Variants in FCRL4 observed in about 807,000 individuals in gnomAD.
FCRL4 encodes the protein Fc receptor-like protein 4.
In FCRL4, 43 loss-of-function variants were observed where a neutral mutation model predicts 64.1. The observed-to-expected ratio is 0.67, with a 90% CI of 0.53 to 0.87. The LOEUF is 0.87. FCRL4 is among the 40% of genes least tolerant of loss of function. The pLI, the probability that FCRL4 is intolerant of heterozygous loss-of-function variation, is 0.00. For missense variants in FCRL4, 656 were observed against 613.5 expected (o/e 1.07, Z -0.73); for synonymous variants, 253 against 239.8 (o/e 1.05, Z -0.51).
chr1:157,596,408 T>G (rs1032415295), intron 1 of FCRL4, 60 bp from the exon 2 acceptor site: 1 of 1,589,270 alleles, frequency 6.3e-7, no homozygotes. Flanking sequence ...CTATTCACCC[T>G]GAGAGCCCAT....
chr1:157,592,835 C>A (rs1026732590), intron 2 of FCRL4, among the ~76,000 whole-genome samples: 2 of 152,140 alleles, frequency 1.3e-5, no homozygotes, highest in African/African-American at 4.8e-5. Flanking sequence ...TAGAACCAAC[C>A]AAAATGTCCA....
chr1:157,581,949 T>C (rs555843775), intron 6 of FCRL4, among the ~76,000 whole-genome samples: 1 of 152,272 alleles, frequency 6.6e-6, no homozygotes, highest in Admixed American at 6.5e-5. Context: ...CCCAGACACC[T>C]GGAGAGATAC....
At position 157,588,102 on chromosome 1, in the gene FCRL4, C is replaced by T. The variant is rs778227447; in HGVS notation, c.325G>A (p.Ala109Thr). ...TCACCTTCAAACACAGAATATGGTGCCTGCAGGATTAAGGAGTCTGGAAAA... is the reference window on the plus strand; with the variant it reads ...TCACCTTCAAACACAGAATATGGTGTCTGCAGGATTAAGGAGTCTGGAAAA... ...LFSSDSLILQ[A>T]PYSVFEGDTL... Residue 109 changes from alanine to threonine, a missense_variant, in exon 4 of 12, where the codon GCA becomes ACA. By Grantham distance (58) the Ala-to-Thr change is moderately conservative. Transcript: ENST00000271532. 2 of 1,612,560 alleles carry T rather than the reference C, an allele frequency of 1.2e-6. No individual in the cohort carries two copies. Among genetic ancestry groups the T allele is most frequent in the Non-Finnish European group, 1.7e-6 (2 of 1,179,376 alleles).
At chr1:157,596,253 T>C in intron 2 of FCRL4, 75 bp downstream of exon 2, 1 of 1,492,652 alleles carries the variant, frequency 6.7e-7, no homozygotes, top group Non-Finnish European at 9.3e-7. Context: ...ACAGGGACTC[T>C]TGTAAGTATT....
intron 10 of FCRL4, among the ~76,000 whole-genome samples, chr1:157,576,919 G>A (rs999779780): frequency 2.0e-5 from 3 of 152,188 alleles, no homozygotes; most frequent in African/African-American, 7.2e-5. Flanking sequence ...AGTCTTATGT[G>A]TAATACTTCA....
At chr1:157,578,716 CAT>C in intron 9 of FCRL4, 52 bp downstream of exon 9, 1 of 1,565,652 alleles carries the variant, frequency 6.4e-7, no homozygotes. Flanking sequence ...GCTGAAAGCG[CAT>C]TATCTTTCCA....
chr1:157,587,723 AC>A, intron 4 of FCRL4, 141 bp downstream of exon 4: 1 of 1,107,958 alleles, frequency 9.0e-7, no homozygotes, highest in East Asian at 2.5e-5. Flanking sequence ...AGGTCCAATC[AC>A]CCCACTTTCT....
Position 157,575,580 on chromosome 1 carries a change from T to A in FCRL4, c.1492A>T (p.Thr498Ser). Residue 498 changes from threonine (T) to serine (S), a missense_variant, in exon 12 of 12, where the codon ACA becomes TCA. Physicochemically the swap from Thr to Ser is moderately conservative, Grantham distance 58 (BLOSUM62 1). Transcript: ENST00000271532. ...CCAGCTGAGTTATCTGGGTGTTGTG[T>A]CTTTACCTCAGAGTAGACAACTGAG... The part of the protein sequence containing the change: ...DVSVVYSEVK[T>S]QHPDNSAGKI... The A allele has an allele frequency of 6.2e-7, 1 of 1,614,012 alleles. No individual in the cohort carries two copies. The highest frequency in any genetic ancestry group is 8.5e-7 in the Non-Finnish European group (1 of 1,179,896).
chr1:157,581,508 G>A lies in FCRL4; in HGVS notation c.1249+23C>T, dbSNP rs111976423. 1,711 of 1,600,450 alleles carry A rather than the reference G, an allele frequency of 1.1e-3. 19 individuals are homozygous for A. The African/African-American group carries it at 0.02, about 19-fold the overall frequency. ...CAGGGGAAGGAACAGGGCAGGAACT[G>A]TGGCAAAGAAAAGAGCACAAACCTG... On this transcript the variant is annotated intron_variant, in intron 7 of 11. Transcript: ENST00000271532.
chr1:157,579,763 A>G (rs957503013), intron 8 of FCRL4, among the ~76,000 whole-genome samples: 55 of 150,278 alleles, frequency 3.7e-4, no homozygotes, highest in African/African-American at 1.3e-3. Context: ...ATGTCTTTAC[A>G]TTGTAATGTC....
chr1:157,589,778 T>C (rs779746572), intron 2 of FCRL4, among the ~76,000 whole-genome samples: 3 of 152,110 alleles, frequency 2.0e-5, no homozygotes, highest in South Asian at 2.1e-4. Flanking sequence ...TAGTTGGAAA[T>C]TGCATTTCTC....
intron 3 of FCRL4, 140 bp downstream of exon 3, chr1:157,589,064 T>C (rs1652773755): frequency 2.9e-5 from 27 of 937,198 alleles, no homozygotes; most frequent in Non-Finnish European, 4.3e-5. Flanking sequence ...TTTGTAGACA[T>C]TGGAGGGAAA....
At position 157,575,485 on chromosome 1, in the gene FCRL4, A is replaced by G; in HGVS notation, c.*39T>C. On this transcript the variant is annotated 3_prime_UTR_variant, in exon 12 of 12. Transcript: ENST00000271532. The stretch of plus-strand genomic sequence containing the variant: ...GGCCTGGGACTTTGGACAAGGGAGA[A>G]ATCACATGAGTAGGACGTTCTCGTA... 1.3e-6 allele frequency: 2 copies of G among 1,510,982 alleles called. No individual in the cohort carries two copies. Among genetic ancestry groups the G allele is most frequent in the Non-Finnish European group, 1.8e-6 (2 of 1,091,346 alleles). 93.6% of individuals were successfully genotyped at this position (1,510,982 alleles called of 1,614,324 possible).
At chr1:157,588,350 G>A (rs1454175807) in intron 3 of FCRL4, among the ~76,000 whole-genome samples, 4 of 152,210 alleles carry the variant, frequency 2.6e-5, no homozygotes, top group Non-Finnish European at 4.4e-5. Flanking sequence ...AAGATAAGGA[G>A]TCTAATACGG....
chr1:157,592,409 T>C (rs1236179974), intron 2 of FCRL4, among the ~76,000 whole-genome samples: 1 of 151,448 alleles, frequency 6.6e-6, no homozygotes, highest in African/African-American at 2.4e-5. Flanking sequence ...AAAAAACCCA[T>C]CAAAAAGTGG....
At chr1:157,582,508 C>T (rs2101678163) in intron 6 of FCRL4, among the ~76,000 whole-genome samples, 1 of 152,252 alleles carries the variant, frequency 6.6e-6, no homozygotes, top group East Asian at 1.9e-4. Context: ...GTGGTACTTT[C>T]CCATATGTAT....
At chr1:157,596,707 G>A (rs1283129194) in intron 1 of FCRL4, among the ~76,000 whole-genome samples, 2 of 152,162 alleles carry the variant, frequency 1.3e-5, no homozygotes, top group Admixed American at 6.5e-5. Context: ...TGGGGCTGCT[G>A]CTGATTCCTC....
At chr1:157,585,374 C>CT (rs1195826381) in intron 6 of FCRL4, among the ~76,000 whole-genome samples, 1 of 104,510 alleles carries the variant, frequency 9.6e-6, no homozygotes, top group Non-Finnish European at 2.0e-5. Flanking sequence ...TTCTTTCTTT[C>CT]TTTCTTTCTT....
Position 157,578,514 on chromosome 1 carries a change from G to A in FCRL4, c.1389C>T (p.Tyr463=). 1 of 1,613,978 alleles carries A rather than the reference G, an allele frequency of 6.2e-7. No homozygotes were observed. ...CCAGCTGAGTAGTCTGGATCTCAGA[G>A]TATACCAAATCTCCCTTTTTGGGGT... ...DVHPKKGDLV[Y]SEIQTTQLGE... Residue 463 remains tyrosine (Y), a synonymous_variant, in exon 10 of 12, where the codon TAC becomes TAT. Coordinates refer to ENST00000271532, the MANE Select transcript of FCRL4 (RefSeq NM_031282.3).
Sources: allele counts gnomAD v4.1 joint callset (sites outside exome capture counted in the v4.1 genomes callset), GRCh38; gene constraint gnomAD v4.1.1; transcripts MANE v1.5; gene names NCBI Gene and HGNC (gene_info 2026-07-23, HGNC 2026-07-21).